Variants in RASEF observed in about 807,000 individuals in gnomAD.
RASEF encodes RAS and EF-hand domain containing, also known as ras and EF-hand domain-containing protein.
Under a neutral mutation model 90.1 loss-of-function variants are expected in RASEF, and 68 were observed. The ratio of observed to expected loss-of-function variants is 0.75; its 90% CI spans 0.62 to 0.92. RASEF has a LOEUF of 0.92. Ranked by LOEUF, RASEF falls within the 40% of genes least tolerant of loss-of-function variation. The pLI, the probability that RASEF is intolerant of heterozygous loss-of-function variation, is 0.00. For missense variants in RASEF, 949 were observed against 937.2 expected, an observed-to-expected ratio of 1.01 and a Z score of -0.16; for synonymous variants, 331 against 345.2, an observed-to-expected ratio of 0.96 and a Z score of 0.46.
At chr9:83,055,718 G>A in intron 1 of RASEF, 2 of 714,486 alleles carry the variant, frequency 2.8e-6, no homozygotes, top group Non-Finnish European at 5.2e-6. Context: ...CTGTAATGCA[G>A]GTGATTTGGA....
intron 1 of RASEF, among the ~76,000 whole-genome samples, chr9:83,037,433 G>A (rs539488167): frequency 5.3e-5 from 8 of 150,652 alleles, no homozygotes; most frequent in Non-Finnish European, 1.0e-4. Flanking sequence ...ATCTTATTAC[G>A]AACGCTATTA....
At chr9:83,049,241 A>T in intron 1 of RASEF, 1 of 825,894 alleles carries the variant, frequency 1.2e-6, no homozygotes, top group South Asian at 5.5e-5. Context: ...TTGTACCAAC[A>T]GCATCAGTAC....
chr9:83,041,159 TG>T (rs1829833990), intron 1 of RASEF, among the ~76,000 whole-genome samples: 2 of 152,216 alleles, frequency 1.3e-5, no homozygotes, highest in Admixed American at 6.5e-5. Flanking sequence ...CCGTGCCCGG[TG>T]CTCTGGCCTT....
chr9:83,008,923 T>TAA (rs1554706845), intron 6 of RASEF, among the ~76,000 whole-genome samples: 2 of 129,650 alleles, frequency 1.5e-5, no homozygotes, highest in Non-Finnish European at 3.3e-5. Flanking sequence ...TATATATATA[T>TAA]ATATATATAT....
chr9:83,005,641 A>T (rs76492045), intron 7 of RASEF, 141 bp from the exon 8 acceptor site: 6 of 664,334 alleles, frequency 9.0e-6, no homozygotes, highest in African/African-American at 1.8e-5. Flanking sequence ...CTTCCCTTCA[A>T]ACCTCAAAAA....
At position 83,001,235 on chromosome 9, in the gene RASEF, G is replaced by A. The variant is rs1463868101; in HGVS notation, c.1203-105C>T. 3 of 742,142 alleles carry A rather than the reference G, an allele frequency of 4.0e-6. No individual in the cohort carries two copies. In the East Asian group the frequency reaches 8.1e-5, roughly 20 times the overall value. 46.0% of individuals were successfully genotyped at this position (742,142 alleles called of 1,614,324 possible). Reference sequence around the variant, plus strand: ...AGATGGAATCAAGTAGGCCGACTGTGGCTAAGAGCCGCAGTGTTATTTCAT... The same window carrying A: ...AGATGGAATCAAGTAGGCCGACTGTAGCTAAGAGCCGCAGTGTTATTTCAT... On this transcript the variant is annotated intron_variant, in intron 9 of 16. Transcript: ENST00000376447.
chr9:83,049,534 T>TC (rs1167084437), intron 1 of RASEF, among the ~76,000 whole-genome samples: 1 of 143,692 alleles, frequency 7.0e-6, no homozygotes, highest in Non-Finnish European at 1.5e-5. Flanking sequence ...CCTTCCTTTT[T>TC]TTTTTTTTTT....
intron 4 of RASEF, among the ~76,000 whole-genome samples, chr9:83,014,667 C>A (rs1829311245): frequency 6.6e-6 from 1 of 152,080 alleles, no homozygotes; most frequent in African/African-American, 2.4e-5. Flanking sequence ...AACACATCCC[C>A]ATTAGTTATG....
chr9:83,159,879 T>C, the RASEF span, among the ~76,000 whole-genome samples: 1 of 152,194 alleles, frequency 6.6e-6, no homozygotes, highest in East Asian at 1.9e-4. Flanking sequence ...GGCAAGTCTT[T>C]CATGCACTGT....
intron 7 of RASEF, 136 bp from the exon 8 acceptor site, chr9:83,005,636 C>T (rs1829115370): frequency 8.8e-6 from 6 of 677,990 alleles, no homozygotes; most frequent in African/African-American, 1.8e-5. Flanking sequence ...CACCACTTCC[C>T]TTCAAACCTC....
At chr9:83,117,958 C>T in the RASEF span, among the ~76,000 whole-genome samples, 51 of 152,274 alleles carry the variant, frequency 3.3e-4, no homozygotes, top group African/African-American at 1.2e-3. Context: ...ATTCTTGAAA[C>T]TGGAAGGTCT....
the RASEF span, among the ~76,000 whole-genome samples, chr9:83,205,741 G>C: frequency 3.3e-5 from 5 of 152,134 alleles, no homozygotes; most frequent in African/African-American, 1.2e-4. Context: ...GTATACACTG[G>C]AATGCTAACT....
intron 3 of RASEF, among the ~76,000 whole-genome samples, chr9:83,018,247 G>A (rs1041032169): frequency 4.6e-5 from 7 of 151,888 alleles, no homozygotes; most frequent in African/African-American, 1.7e-4. Context: ...CCAACAAAAA[G>A]GCACTGCATA....
chr9:83,057,165 T>C (rs764681197), intron 1 of RASEF, among the ~76,000 whole-genome samples: 5 of 152,124 alleles, frequency 3.3e-5, no homozygotes, highest in Non-Finnish European at 7.4e-5. Flanking sequence ...TCCTTCTCAA[T>C]ATAGTACTGG....
intron 14 of RASEF, among the ~76,000 whole-genome samples, chr9:82,994,625 A>G (rs1040557120): frequency 6.6e-6 from 1 of 152,204 alleles, no homozygotes; most frequent in African/African-American, 2.4e-5. Flanking sequence ...AACCTAGACT[A>G]CTACACAGGA....
chr9:83,101,348 A>G, the RASEF span, among the ~76,000 whole-genome samples: 1 of 152,164 alleles, frequency 6.6e-6, no homozygotes, highest in African/African-American at 2.4e-5. Flanking sequence ...AGGTGCGGAC[A>G]TTGCAGGGCC....
rs1828565319 is a variant in RASEF, at chr9:82,979,815, T to A, written c.*2862A>T. On this transcript the variant is annotated 3_prime_UTR_variant, in exon 17 of 17. Transcript: ENST00000376447. ...CAGAGGCCTACTTAATATATACATA[T>A]GAAATTTCTTACACACACACAATAA... 1 of 152,174 alleles carries A rather than the reference T, an allele frequency of 6.6e-6. No homozygotes were observed. The highest frequency in any genetic ancestry group is 2.1e-4 in the South Asian group (1 of 4,830). 9.4% of individuals were successfully genotyped at this position (152,174 alleles called of 1,614,324 possible).
chr9:83,161,883 T>C, the RASEF span, among the ~76,000 whole-genome samples: 1 of 152,040 alleles, frequency 6.6e-6, no homozygotes, highest in Non-Finnish European at 1.5e-5. Flanking sequence ...GCACAAGCTC[T>C]CCTCTCTTGT....
the RASEF span, among the ~76,000 whole-genome samples, chr9:83,175,412 A>AT: frequency 1.3e-5 from 2 of 151,906 alleles, no homozygotes; most frequent in Non-Finnish European, 2.9e-5. Context: ...ACTTTAACTA[A>AT]TTTTTTTTCT....
Sources: gnomAD v4.1 joint callset for allele counts (sites outside exome capture counted in the v4.1 genomes callset) on GRCh38, gnomAD v4.1.1 for gene constraint, MANE v1.5 for transcripts, NCBI Gene and HGNC (gene_info 2026-07-23, HGNC 2026-07-21) for gene names.